Variants in PTPRR observed in about 807,000 individuals in gnomAD.
The protein encoded by PTPRR is receptor-type tyrosine-protein phosphatase R.
In PTPRR, 38 loss-of-function variants were observed where a neutral mutation model predicts 77.2. That is an observed-to-expected ratio of 0.49 (90% CI 0.38 to 0.65). The LOEUF (loss-of-function observed/expected upper bound fraction) is 0.65, where lower values mean the gene tolerates loss of function less well. PTPRR is among the 30% of genes least tolerant of loss of function. The pLI is 0.00. For synonymous variants in PTPRR, 299 were observed against 283.1 expected, an observed-to-expected ratio of 1.06 and a Z score of -0.57; for missense variants, 744 against 799.2, an observed-to-expected ratio of 0.93 and a Z score of 0.83.
At chr12:70,827,602 G>A (rs1054575482) in intron 2 of PTPRR, among the ~76,000 whole-genome samples, 9 of 150,684 alleles carry the variant, frequency 6.0e-5, no homozygotes, top group African/African-American at 2.2e-4. Flanking sequence ...CTGGAGGGCA[G>A]TGGCATGATC....
chr12:70,660,271 A>G (rs1037624470), intron 12 of PTPRR, among the ~76,000 whole-genome samples: 60 of 151,038 alleles, frequency 4.0e-4, no homozygotes, highest in Admixed American at 2.7e-3. Context: ...CATTAAAAGG[A>G]AAATTAGGGG....
chr12:70,911,482 T>A (rs1389301431), intron 1 of PTPRR, among the ~76,000 whole-genome samples: 1 of 152,162 alleles, frequency 6.6e-6, no homozygotes, highest in Non-Finnish European at 1.5e-5. Context: ...GCACTTCAGA[T>A]TTATGATGTT....
chr12:70,741,543 T>G (rs992890786), intron 6 of PTPRR, among the ~76,000 whole-genome samples: 7 of 152,208 alleles, frequency 4.6e-5, no homozygotes, highest in African/African-American at 1.7e-4. Flanking sequence ...TTTTTGGTGT[T>G]TTATTGCATT....
At chr12:70,748,920 C>A (rs1197040173) in intron 5 of PTPRR, among the ~76,000 whole-genome samples, 1 of 152,154 alleles carries the variant, frequency 6.6e-6, no homozygotes, top group Non-Finnish European at 1.5e-5. Context: ...AGAACTCTGT[C>A]TTCTGGGAAT....
chr12:70,680,868 C>T (rs1887629876), intron 10 of PTPRR, among the ~76,000 whole-genome samples: 1 of 152,110 alleles, frequency 6.6e-6, no homozygotes, highest in South Asian at 2.1e-4. Flanking sequence ...TTGAGTGCAC[C>T]AGGGACATGC....
chr12:70,658,128 G>C (rs759569290), intron 12 of PTPRR, among the ~76,000 whole-genome samples: 1 of 152,148 alleles, frequency 6.6e-6, no homozygotes, highest in Non-Finnish European at 1.5e-5. Flanking sequence ...GTATTTTGCT[G>C]TCTTCCCTCC....
At chr12:70,812,695 T>C (rs2137032154) in intron 2 of PTPRR, among the ~76,000 whole-genome samples, 2 of 152,354 alleles carry the variant, frequency 1.3e-5, no homozygotes, top group South Asian at 4.1e-4. Flanking sequence ...AGCAGTTCGA[T>C]GTGTTTATCT....
At chr12:70,831,235 T>C (rs1892206791) in intron 2 of PTPRR, among the ~76,000 whole-genome samples, 1 of 152,230 alleles carries the variant, frequency 6.6e-6, no homozygotes, top group Non-Finnish European at 1.5e-5. Context: ...AGAATAAATG[T>C]TCAATCTATT....
intron 2 of PTPRR, among the ~76,000 whole-genome samples, chr12:70,867,394 T>C (rs113828138): frequency 5.9e-4 from 90 of 151,610 alleles, no homozygotes; most frequent in African/African-American, 2.1e-3. Flanking sequence ...TATACACCAA[T>C]AACAGACAGA....
intron 2 of PTPRR, among the ~76,000 whole-genome samples, chr12:70,892,315 G>T (rs1271054449): frequency 6.6e-6 from 1 of 152,034 alleles, no homozygotes; most frequent in East Asian, 1.9e-4. Flanking sequence ...CACAGGCTGA[G>T]ACTAAGGCCT....
intron 5 of PTPRR, among the ~76,000 whole-genome samples, chr12:70,747,585 T>A (rs1266478548): frequency 2.0e-5 from 3 of 152,212 alleles, no homozygotes; most frequent in Non-Finnish European, 2.9e-5. Context: ...TTTATATTAG[T>A]GTAAAACAAA....
chr12:70,842,720 T>G (rs1201717362), intron 2 of PTPRR, among the ~76,000 whole-genome samples: 1 of 152,222 alleles, frequency 6.6e-6, no homozygotes, highest in East Asian at 1.9e-4. Context: ...CCAGGATTGC[T>G]CAGTGTGACC....
intron 2 of PTPRR, among the ~76,000 whole-genome samples, chr12:70,765,430 A>G (rs985775893): frequency 6.6e-6 from 1 of 152,144 alleles, no homozygotes; most frequent in Non-Finnish European, 1.5e-5. Context: ...TCTGAGATCA[A>G]ACTGCAAGGC....
At chr12:70,862,756 A>T (rs936047991) in intron 2 of PTPRR, among the ~76,000 whole-genome samples, 4 of 152,208 alleles carry the variant, frequency 2.6e-5, no homozygotes, top group East Asian at 1.9e-4. Flanking sequence ...TAAAATAAAA[A>T]AAAGGGAACT....
chr12:70,912,151 T>C (rs1893709831), intron 1 of PTPRR, among the ~76,000 whole-genome samples: 1 of 152,210 alleles, frequency 6.6e-6, no homozygotes, highest in Non-Finnish European at 1.5e-5. Flanking sequence ...AATGGATTGA[T>C]GGTCTTTCAA....
chr12:70,878,777 A>T (rs1338668338), intron 2 of PTPRR, among the ~76,000 whole-genome samples: 3 of 152,182 alleles, frequency 2.0e-5, no homozygotes, highest in Non-Finnish European at 2.9e-5. Flanking sequence ...TTATAAGTCA[A>T]GCTGCTATAA....
intron 5 of PTPRR, among the ~76,000 whole-genome samples, chr12:70,747,526 C>T (rs1157868866): frequency 1.3e-5 from 2 of 152,102 alleles, no homozygotes; most frequent in Non-Finnish European, 2.9e-5. Context: ...ATGGGAAAGC[C>T]AAGGAAATCT....
chr12:70,656,008 T>G (rs903964482), intron 13 of PTPRR, among the ~76,000 whole-genome samples: 1 of 152,052 alleles, frequency 6.6e-6, no homozygotes, highest in Admixed American at 6.6e-5. Context: ...GCCCAGGCAT[T>G]CTAGACCAAC....
intron 1 of PTPRR, among the ~76,000 whole-genome samples, chr12:70,911,862 C>T (rs1284029391): frequency 1.3e-5 from 2 of 151,670 alleles, no homozygotes; most frequent in African/African-American, 4.8e-5. Flanking sequence ...GTACAATTAA[C>T]CATTTATCAT....
Sources: gnomAD v4.1 joint callset for allele counts (sites outside exome capture counted in the v4.1 genomes callset) on GRCh38, gnomAD v4.1.1 for gene constraint, MANE v1.5 for transcripts, NCBI Gene and HGNC (gene_info 2026-07-23, HGNC 2026-07-21) for gene names.